MGMT: variants seen among roughly 807,000 people sequenced by gnomAD.
MGMT encodes methylated-DNA--protein-cysteine methyltransferase.
In MGMT, 14 loss-of-function variants were observed where a neutral mutation model predicts 15.9. The ratio of observed to expected loss-of-function variants is 0.88; its 90% CI spans 0.58 to 1.37. MGMT has a LOEUF of 1.37. Ranked by LOEUF, MGMT falls within the 40% of genes most tolerant of loss-of-function variation. MGMT has a pLI of 0.00. For missense variants in MGMT, 282 were observed against 268.1 expected (o/e 1.05, Z -0.36); for synonymous variants, 130 against 118.2 (o/e 1.10, Z -0.65).
intron 2 of MGMT, among the ~76,000 whole-genome samples, chr10:129,580,335 C>T (rs1024928319): frequency 2.0e-5 from 3 of 152,270 alleles, no homozygotes; most frequent in South Asian, 4.1e-4. Context: ...ATTTAATCTT[C>T]ACAAAAACCT....
At chr10:129,520,747 C>T (rs745749704) in intron 1 of MGMT, among the ~76,000 whole-genome samples, 47 of 145,244 alleles carry the variant, frequency 3.2e-4, no homozygotes, top group Admixed American at 4.1e-4. Flanking sequence ...AGAACCCCTA[C>T]GGTGAGGGTG....
chr10:129,544,363 A>G (rs1364360492), intron 2 of MGMT, among the ~76,000 whole-genome samples: 1 of 152,208 alleles, frequency 6.6e-6, no homozygotes, highest in Non-Finnish European at 1.5e-5. Context: ...TCTTGGCTCA[A>G]ATCCCTGGTA....
chr10:129,671,581 T>C (rs1011631580), intron 2 of MGMT, among the ~76,000 whole-genome samples: 2 of 152,186 alleles, frequency 1.3e-5, no homozygotes, highest in Non-Finnish European at 2.9e-5. Flanking sequence ...TATCTGGCCC[T>C]TTGAGAAAAT....
chr10:129,683,940 A>C (rs1847879559), intron 2 of MGMT, among the ~76,000 whole-genome samples: 2 of 152,048 alleles, frequency 1.3e-5, no homozygotes, highest in African/African-American at 4.8e-5. Flanking sequence ...TTTTAACAGT[A>C]CCTCCAGCCC....
chr10:129,538,745 C>T (rs754290026), intron 2 of MGMT, among the ~76,000 whole-genome samples: 2 of 152,142 alleles, frequency 1.3e-5, no homozygotes, highest in Non-Finnish European at 2.9e-5. Context: ...AAGCAATTCT[C>T]CTGCCTCAGC....
At chr10:129,506,223 A>G (rs545190283) in intron 1 of MGMT, among the ~76,000 whole-genome samples, 1 of 152,154 alleles carries the variant, frequency 6.6e-6, no homozygotes, top group East Asian at 1.9e-4. Flanking sequence ...TCTCTCCTGC[A>G]ATGTCGGTAC....
At chr10:129,745,382 C>T (rs1441779175) in intron 3 of MGMT, among the ~76,000 whole-genome samples, 2 of 152,126 alleles carry the variant, frequency 1.3e-5, no homozygotes. Context: ...CCCACGCCGC[C>T]CCCTGGCAGC....
chr10:129,676,394 G>A (rs1001806962), intron 2 of MGMT, among the ~76,000 whole-genome samples: 6 of 152,204 alleles, frequency 3.9e-5, no homozygotes, highest in African/African-American at 1.4e-4. Flanking sequence ...GGATGACTGC[G>A]GGGAGAAGGG....
intron 1 of MGMT, among the ~76,000 whole-genome samples, chr10:129,511,219 C>G (rs1285536604): frequency 6.7e-6 from 1 of 149,112 alleles, no homozygotes; most frequent in East Asian, 2.0e-4. Flanking sequence ...TCAGATGCAG[C>G]CACGTGCTTC....
intron 3 of MGMT, among the ~76,000 whole-genome samples, chr10:129,745,181 C>G (rs191551266): frequency 6.6e-6 from 1 of 152,128 alleles, no homozygotes; most frequent in Admixed American, 6.5e-5. Flanking sequence ...GGAGAAAACT[C>G]CCTTTGATTA....
chr10:129,763,592 A>G (rs569255665), intron 4 of MGMT, among the ~76,000 whole-genome samples: 3 of 152,348 alleles, frequency 2.0e-5, no homozygotes, highest in Non-Finnish European at 4.4e-5. Flanking sequence ...GGGAGAGAAG[A>G]AAAACCAAAG....
At chr10:129,725,590 T>C (rs1848424567) in intron 3 of MGMT, among the ~76,000 whole-genome samples, 1 of 152,194 alleles carries the variant, frequency 6.6e-6, no homozygotes, top group Admixed American at 6.5e-5. Flanking sequence ...GGCATGCCTA[T>C]TGCCCCAGCA....
intron 2 of MGMT, among the ~76,000 whole-genome samples, chr10:129,557,651 A>G (rs1188883237): frequency 3.3e-5 from 5 of 152,204 alleles, no homozygotes; most frequent in Admixed American, 2.6e-4. Context: ...CATTTTAATG[A>G]TAATTGGGGA....
intron 2 of MGMT, among the ~76,000 whole-genome samples, chr10:129,662,663 T>C (rs553975434): frequency 6.6e-6 from 1 of 152,194 alleles, no homozygotes; most frequent in South Asian, 2.1e-4. Context: ...AGGCAGCCCG[T>C]AGCTCAGCAC....
intron 3 of MGMT, among the ~76,000 whole-genome samples, chr10:129,740,603 C>T (rs111591654): frequency 3.2e-4 from 49 of 152,286 alleles, no homozygotes; most frequent in African/African-American, 8.7e-4. Flanking sequence ...CAGGAGGAAA[C>T]GGAGGGGCGA....
chr10:129,529,334 G>C (rs912285312), intron 1 of MGMT, among the ~76,000 whole-genome samples: 9 of 152,242 alleles, frequency 5.9e-5, no homozygotes, highest in Admixed American at 2.6e-4. Context: ...ACAGATGGGA[G>C]TGGGGGGATG....
chr10:129,701,136 C>T (rs1205670114), intron 2 of MGMT: 2 of 152,210 alleles, frequency 1.3e-5, no homozygotes, highest in African/African-American at 2.4e-5. Flanking sequence ...CCACCAGTTT[C>T]CGTGCAACCT....
chr10:129,621,760 A>G (rs1847093270), intron 2 of MGMT, among the ~76,000 whole-genome samples: 2 of 152,204 alleles, frequency 1.3e-5, no homozygotes, highest in Non-Finnish European at 2.9e-5. Flanking sequence ...CACCTTTCCT[A>G]TCGAATTTGC....
chr10:129,759,098 C>A, intron 3 of MGMT, 104 bp from the exon 4 acceptor site: 1 of 1,398,794 alleles, frequency 7.1e-7, no homozygotes, highest in Non-Finnish European at 1.0e-6. Context: ...TATAATACCT[C>A]TATTTGTGTA....
Sources: allele counts gnomAD v4.1 joint callset (sites outside exome capture counted in the v4.1 genomes callset), GRCh38; gene constraint gnomAD v4.1.1; transcripts MANE v1.5; gene names NCBI Gene and HGNC (gene_info 2026-07-23, HGNC 2026-07-21).